DCDC1: variants seen among roughly 807,000 people sequenced by gnomAD.
The protein encoded by DCDC1 is doublecortin domain containing 1.
Under a neutral mutation model 178.3 loss-of-function variants are expected in DCDC1, and 200 were observed. The ratio of observed to expected loss-of-function variants is 1.12; its 90% CI spans 1.00 to 1.26. The LOEUF is 1.26. DCDC1 is among the 50% of genes most tolerant of loss of function. The pLI is 0.00. For missense variants in DCDC1, 1,983 were observed against 1,749.2 expected (o/e 1.13, Z -2.38); for synonymous variants, 690 against 604.8 (o/e 1.14, Z -2.07).
intron 20 of DCDC1, among the ~76,000 whole-genome samples, chr11:31,027,281 T>C (rs1289964954): frequency 6.6e-6 from 1 of 151,852 alleles, no homozygotes; most frequent in Non-Finnish European, 1.5e-5. Flanking sequence ...TATCTCTTCA[T>C]AATATTCATG....
rs138093714 is a variant in DCDC1 at position 31,039,382 on chromosome 11, T to C, written c.2591+25087A>G. On this transcript the variant is annotated intron_variant, in intron 20 of 38. Transcript: ENST00000684477. ...TAAAATGTAATATGCACAATGATAT[T>C]TAAGAGGTCATGCTCTAAGTTTCAA... is the stretch of plus-strand genomic sequence containing the variant. Among the ~76,000 whole-genome samples, 200 of 152,298 alleles carry C rather than the reference T, an allele frequency of 1.3e-3. 1 individual carries two copies. Among genetic ancestry groups the C allele is most frequent in the African/African-American group, 4.5e-3 (187 of 41,564 alleles).
intron 22 of DCDC1, among the ~76,000 whole-genome samples, chr11:30,927,445 C>G (rs564127508): frequency 2.0e-5 from 3 of 151,972 alleles, no homozygotes; most frequent in African/African-American, 7.2e-5. Context: ...AAACCTCCAG[C>G]AGAACATCCT....
chr11:31,068,813 G>A (rs533348091), intron 18 of DCDC1, among the ~76,000 whole-genome samples: 1 of 151,752 alleles, frequency 6.6e-6, no homozygotes, highest in South Asian at 2.1e-4. Context: ...TGGGAAATGG[G>A]AATAAAGTTT....
rs1555168148 is a variant in DCDC1 at position 31,294,798 on chromosome 11, A to AAAAT, written c.755-3947_755-3946insATTT. Among the ~76,000 whole-genome samples the AAAAT allele has an allele frequency of 2.2e-3, 281 of 125,316 alleles. 2 individuals are homozygous for AAAAT. Among genetic ancestry groups the AAAAT allele is most frequent in the Middle Eastern group, 7.9e-3 (2 of 254 alleles). 82.2% of individuals were successfully genotyped at this position (125,316 alleles called of 152,430 possible). The stretch of plus-strand genomic sequence containing the variant: ...AAAGAGAAAGAAAGAAAAATAAAGA[A>AAAAT]AAAGAAAGAAAGAAAGAAAGAAAGA... On this transcript the variant is annotated intron_variant, in intron 6 of 38. Coordinates refer to ENST00000684477, the MANE Select transcript of DCDC1 (RefSeq NM_001387274.1).
rs1950215133 is a variant in DCDC1 at position 30,978,480 on chromosome 11, C to T, written c.2592-25912G>A. Among the ~76,000 whole-genome samples the T allele has an allele frequency of 2.6e-5, 4 of 152,050 alleles. No individual in the cohort carries two copies. The South Asian group carries it at 6.2e-4, about 24-fold the overall frequency. On this transcript the variant is annotated intron_variant, in intron 20 of 38. Transcript: ENST00000684477. ...TTTTTATTGATATGTAATATTTGTA[C>T]ATCTTTTTTATTGATACATAATATT... is the stretch of plus-strand genomic sequence containing the variant.
chr11:31,007,243 G>T (rs1365755931), intron 20 of DCDC1, among the ~76,000 whole-genome samples: 4 of 152,198 alleles, frequency 2.6e-5, no homozygotes, highest in Non-Finnish European at 4.4e-5. Context: ...GGAAATTAGA[G>T]AAAACACAGT....
chr11:30,921,447 C>T (rs1946243709), intron 24 of DCDC1, among the ~76,000 whole-genome samples: 1 of 152,090 alleles, frequency 6.6e-6, no homozygotes, highest in African/African-American at 2.4e-5. Flanking sequence ...GAAATTAGAA[C>T]TTTTATAAAA....
intron 20 of DCDC1, among the ~76,000 whole-genome samples, chr11:31,019,622 G>A (rs902916280): frequency 6.6e-5 from 10 of 151,920 alleles, no homozygotes; most frequent in Admixed American, 1.3e-4. Flanking sequence ...TAGCATAACT[G>A]GTATGATCTT....
At chr11:30,884,141 C>T (rs141197456) in intron 36 of DCDC1, among the ~76,000 whole-genome samples, 1 of 148,400 alleles carries the variant, frequency 6.7e-6, no homozygotes, top group African/African-American at 2.5e-5. Flanking sequence ...TCAGGTGATC[C>T]TTCCATCTCA....
intron 20 of DCDC1, among the ~76,000 whole-genome samples, chr11:30,973,219 A>T (rs897863839): frequency 6.8e-6 from 1 of 148,064 alleles, no homozygotes; most frequent in Non-Finnish European, 1.5e-5. Context: ...TTAAAGAGTG[A>T]GCCAAGATGG....
chr11:31,365,953 T>C (rs1336372592), intron 1 of DCDC1, among the ~76,000 whole-genome samples: 3 of 152,184 alleles, frequency 2.0e-5, no homozygotes, highest in Non-Finnish European at 4.4e-5. Flanking sequence ...AATACTGTTA[T>C]GAATGTCCAA....
At chr11:31,134,272 G>A (rs1962836347) in intron 10 of DCDC1, among the ~76,000 whole-genome samples, 1 of 152,194 alleles carries the variant, frequency 6.6e-6, no homozygotes, top group Non-Finnish European at 1.5e-5. Flanking sequence ...CTATGACATT[G>A]TGTCTCATAG....
At chr11:30,935,216 T>C (rs1947198315) in intron 21 of DCDC1, among the ~76,000 whole-genome samples, 1 of 152,212 alleles carries the variant, frequency 6.6e-6, no homozygotes, top group Non-Finnish European at 1.5e-5. Context: ...ACTTACCCTA[T>C]GTTACTGTCC....
intron 38 of DCDC1, among the ~76,000 whole-genome samples, chr11:30,871,229 C>A (rs959111095): frequency 6.6e-6 from 1 of 152,106 alleles, no homozygotes; most frequent in Non-Finnish European, 1.5e-5. Flanking sequence ...TCTTAGTGTA[C>A]AACAGAAGAG....
intron 20 of DCDC1, among the ~76,000 whole-genome samples, chr11:31,008,926 A>G (rs986389056): frequency 1.3e-5 from 2 of 152,202 alleles, no homozygotes; most frequent in African/African-American, 4.8e-5. Flanking sequence ...AATAATCACA[A>G]TGAAGGGGGA....
At position 30,915,699 on chromosome 11, in the gene DCDC1, C is replaced by T. The variant is rs1464667069; in HGVS notation, c.3465G>A (p.Lys1155=). The T allele has an allele frequency of 3.7e-6, 6 of 1,612,980 alleles. No homozygotes were observed. ...GACAATGCTTGTGCAATTTACTATG[C>T]TTTGGTGAACAGCTGAGATAAAGAA... The part of the protein sequence containing the change: ...EPQKKHSCSP[K]HSKLHKHCHQ... The change falls in exon 27 of 39, where the codon AAG becomes AAA. Residue 1155 remains lysine, a synonymous_variant. Transcript: ENST00000684477.
intron 9 of DCDC1, among the ~76,000 whole-genome samples, chr11:31,213,477 T>A (rs541163136): frequency 6.6e-6 from 1 of 152,070 alleles, no homozygotes; most frequent in South Asian, 2.1e-4. Context: ...ATCCCAGCAC[T>A]TTGGGAGGCC....
intron 9 of DCDC1, among the ~76,000 whole-genome samples, chr11:31,148,986 A>G (rs1457326511): frequency 6.6e-6 from 1 of 152,162 alleles, no homozygotes; most frequent in Non-Finnish European, 1.5e-5. Flanking sequence ...AAATGAGAAC[A>G]TATGATATCT....
chr11:30,978,820 A>C, intron 20 of DCDC1, among the ~76,000 whole-genome samples: 1 of 109,044 alleles, frequency 9.2e-6, no homozygotes. Context: ...ACACACACAC[A>C]CACACACCCC....
Sources: gnomAD v4.1 joint callset for allele counts (sites outside exome capture counted in the v4.1 genomes callset) on GRCh38, gnomAD v4.1.1 for gene constraint, MANE v1.5 for transcripts, NCBI Gene and HGNC (gene_info 2026-07-23, HGNC 2026-07-21) for gene names.